Variants in ZC3H3 observed in about 807,000 individuals in gnomAD.
ZC3H3 encodes zinc finger CCCH-type containing 3.
A neutral mutation model predicts 77.3 loss-of-function variants in ZC3H3; 36 were observed. The ratio of observed to expected loss-of-function variants is 0.47; its 90% confidence interval spans 0.36 to 0.61. The LOEUF (loss-of-function observed/expected upper bound fraction) is 0.61, where lower values mean the gene tolerates loss of function less well. Ranked by LOEUF, ZC3H3 falls within the 20% of genes least tolerant of loss-of-function variation. The pLI, the probability that ZC3H3 is intolerant of heterozygous loss-of-function variation, is 0.00. For missense variants in ZC3H3, 1,331 were observed against 1,312.2 expected (o/e 1.01, Z -0.22); for synonymous variants, 626 against 555.2 (o/e 1.13, Z -1.79).
intron 4 of ZC3H3, among the ~76,000 whole-genome samples, chr8:143,490,120 G>C (rs1374763442): frequency 1.3e-5 from 2 of 152,184 alleles, no homozygotes; most frequent in African/African-American, 4.8e-5. Context: ...GATGGGGCAG[G>C]GGCGGCGGGG....
At chr8:143,511,868 G>T (rs1254565527) in intron 3 of ZC3H3, among the ~76,000 whole-genome samples, 1 of 152,252 alleles carries the variant, frequency 6.6e-6, no homozygotes, top group African/African-American at 2.4e-5. Context: ...GGTTCTAGAA[G>T]CCCCTTCCCC....
intron 5 of ZC3H3, among the ~76,000 whole-genome samples, chr8:143,472,881 C>T (rs1320659238): frequency 6.6e-6 from 1 of 152,202 alleles, no homozygotes; most frequent in African/African-American, 2.4e-5. Context: ...GAGTGGGATG[C>T]AGCTGCTGCA....
intron 3 of ZC3H3, among the ~76,000 whole-genome samples, chr8:143,510,055 G>A (rs1821824583): frequency 6.6e-6 from 1 of 152,182 alleles, no homozygotes; most frequent in African/African-American, 2.4e-5. Context: ...GCGGGCGGCG[G>A]CACCATGATC....
Position 143,536,274 on chromosome 8 carries a change from T to C in ZC3H3, c.1544A>G (p.His515Arg). ...RLCRLPPSRAHLPTKEASSLH... is the reference protein window; with the variant it reads ...RLCRLPPSRARLPTKEASSLH... The stretch of plus-strand genomic sequence containing the variant: ...CAGCATACCTTCCTTGGTGGGGAGG[T>C]GGGCCCGGCTCGGTGGCAGGCGACA... Residue 515 changes from histidine (H) to arginine (R), a missense_variant, in exon 3 of 12, where the codon CAC (histidine) becomes CGC (arginine). Transcript: ENST00000262577. 1.1e-5 allele frequency: 17 copies of C among 1,610,840 alleles called. No individual in the cohort carries two copies. The highest frequency in any genetic ancestry group is 1.4e-5 in the Non-Finnish European group (16 of 1,179,540).
chr8:143,510,089 T>C (rs968557), intron 3 of ZC3H3, among the ~76,000 whole-genome samples: 76,205 of 152,108 alleles, frequency 0.5, 19,391 homozygotes, highest in East Asian at 0.68. Flanking sequence ...GTGCTGGCAG[T>C]GGTCAGGTCA....
chr8:143,465,662 G>C (rs950886718), intron 9 of ZC3H3, 55 bp downstream of exon 9: 2 of 1,603,838 alleles, frequency 1.2e-6, no homozygotes, highest in African/African-American at 2.7e-5. Flanking sequence ...GGAGTGAGCA[G>C]AGGACCAACA....
chr8:143,538,474 A>G lies in ZC3H3; in HGVS notation c.893T>C (p.Val298Ala), dbSNP rs1217173936. 2 of 1,613,000 alleles carry G rather than the reference A, an allele frequency of 1.2e-6. No individual in the cohort carries two copies. The highest frequency in any genetic ancestry group is 1.7e-6 in the Non-Finnish European group (2 of 1,180,016). ...GPRQAREASL[V>A]VTCRTNKFRK... is the part of the protein sequence containing the mutation. ...GAACTTGTTAGTTCGACAGGTCACA[A>G]CCAGCGAGGCCTCCCGGGCCTGCCT... Residue 298 changes from valine to alanine, a missense_variant, in exon 2 of 12, where the codon GTT (valine) becomes GCT (alanine). Transcript: ENST00000262577.
chr8:143,504,557 A>G (rs527271875), intron 4 of ZC3H3, among the ~76,000 whole-genome samples: 1 of 152,220 alleles, frequency 6.6e-6, no homozygotes, highest in East Asian at 1.9e-4. Flanking sequence ...ACCCCACCAC[A>G]ATCAAGCCTA....
chr8:143,455,582 T>C (rs1466777865), intron 9 of ZC3H3, among the ~76,000 whole-genome samples: 1 of 151,992 alleles, frequency 6.6e-6, no homozygotes, highest in Non-Finnish European at 1.5e-5. Flanking sequence ...ATCCAAGAAA[T>C]TGTGAAGAAA....
chr8:143,499,854 A>G (rs1821471588), intron 4 of ZC3H3, among the ~76,000 whole-genome samples: 1 of 152,142 alleles, frequency 6.6e-6, no homozygotes, highest in Admixed American at 6.5e-5. Flanking sequence ...GAGGCAGTAA[A>G]CACCCTGGAA....
intron 9 of ZC3H3, among the ~76,000 whole-genome samples, chr8:143,465,147 C>A (rs1355981453): frequency 6.6e-6 from 1 of 152,060 alleles, no homozygotes; most frequent in Non-Finnish European, 1.5e-5. Context: ...TCAGCTACAG[C>A]CCAGGTCCCC....
chr8:143,529,626 C>G lies in ZC3H3; in HGVS notation c.1561+6631G>C, dbSNP rs377697073. On this transcript the variant is annotated intron_variant, in intron 3 of 11. Coordinates refer to ENST00000262577, the MANE Select transcript of ZC3H3 (RefSeq NM_015117.3). ...GGGGGAGACCCCACACAGGACTGGG[C>G]GGGCGGCCAGGGCTCTGGGGAGGCT... 4.0e-4 allele frequency among the ~76,000 whole-genome samples: 61 copies of G among 152,240 alleles called. No homozygotes were observed. The South Asian group carries it at 7.3e-3, about 18-fold the overall frequency.
chr8:143,439,956 C>T, intron 11 of ZC3H3, 85 bp downstream of exon 11: 1 of 1,154,096 alleles, frequency 8.7e-7, no homozygotes, highest in East Asian at 2.9e-5. Context: ...GGGGGGGGCC[C>T]TGGGGGCCTG....
At chr8:143,480,681 G>T (rs1386610370) in intron 4 of ZC3H3, among the ~76,000 whole-genome samples, 1 of 152,194 alleles carries the variant, frequency 6.6e-6, no homozygotes, top group Non-Finnish European at 1.5e-5. Context: ...GGCTCCTCGG[G>T]TGAGTCCAGC....
intron 4 of ZC3H3, among the ~76,000 whole-genome samples, chr8:143,482,537 A>G (rs962851060): frequency 6.6e-6 from 1 of 152,066 alleles, no homozygotes; most frequent in Non-Finnish European, 1.5e-5. Context: ...CAGGAAGGAG[A>G]CCTGTGGCAG....
At chr8:143,475,646 C>A in intron 4 of ZC3H3, 61 bp from the exon 5 acceptor site, 1 of 1,494,880 alleles carries the variant, frequency 6.7e-7, no homozygotes, top group South Asian at 1.3e-5. Flanking sequence ...CTCTGATGGT[C>A]AGTGCCAGGG....
chr8:143,535,253 G>T (rs975711333), intron 3 of ZC3H3, among the ~76,000 whole-genome samples: 1 of 152,118 alleles, frequency 6.6e-6, no homozygotes, highest in Non-Finnish European at 1.5e-5. Flanking sequence ...TGCCCAGGCT[G>T]GTCTTGAACT....
At chr8:143,502,787 C>T (rs1431421926) in intron 4 of ZC3H3, among the ~76,000 whole-genome samples, 1 of 152,214 alleles carries the variant, frequency 6.6e-6, no homozygotes, top group Non-Finnish European at 1.5e-5. Context: ...AAAATTAAAT[C>T]CCCTCAGCAG....
At chr8:143,497,422 G>A (rs925494222) in intron 4 of ZC3H3, among the ~76,000 whole-genome samples, 36 of 151,914 alleles carry the variant, frequency 2.4e-4, no homozygotes, top group Admixed American at 1.0e-3. Context: ...AGCTGCCCCC[G>A]AAGGTGCAGC....
Sources: allele counts gnomAD v4.1 joint callset (sites outside exome capture counted in the v4.1 genomes callset), GRCh38; gene constraint gnomAD v4.1.1; transcripts MANE v1.5; gene names NCBI Gene and HGNC (gene_info 2026-07-23, HGNC 2026-07-21).